The following SORCS3 variants were observed in gnomAD, a reference collection of about 807,000 sequenced individuals.
SORCS3 encodes VPS10 domain-containing receptor SorCS3.
SORCS3 carries 57 observed loss-of-function variants against 146.3 expected under a neutral mutation model. That is an observed-to-expected ratio of 0.39 (90% CI 0.31 to 0.49). The LOEUF is 0.49. SORCS3 is among the 20% of genes least tolerant of loss of function. The pLI is 0.92. For synonymous variants in SORCS3, 653 were observed against 618.5 expected (o/e 1.06, Z -0.83); for missense variants, 1,341 against 1,575.5 (o/e 0.85, Z 2.52).
At chr10:104,770,640 C>G (rs928591610) in intron 1 of SORCS3, among the ~76,000 whole-genome samples, 1 of 151,766 alleles carries the variant, frequency 6.6e-6, no homozygotes, top group Non-Finnish European at 1.5e-5. Context: ...GGCAACATAG[C>G]AAAACCCCAT....
chr10:105,211,553 G>T (rs1204747919), intron 17 of SORCS3, among the ~76,000 whole-genome samples: 1 of 152,142 alleles, frequency 6.6e-6, no homozygotes, highest in Non-Finnish European at 1.5e-5. Context: ...TGACACTCAA[G>T]TGAATTAAAT....
chr10:104,643,337 G>A (rs1472513548), intron 1 of SORCS3, among the ~76,000 whole-genome samples: 4 of 152,228 alleles, frequency 2.6e-5, no homozygotes, highest in Non-Finnish European at 5.9e-5. Context: ...AGAGGAAAGC[G>A]AGGGGTCCGC....
intron 1 of SORCS3, among the ~76,000 whole-genome samples, chr10:104,805,427 T>G (rs2133513424): frequency 6.6e-6 from 1 of 152,326 alleles, no homozygotes. Flanking sequence ...TCTCAAATTT[T>G]CACATGTTGT....
chr10:104,995,408 T>C (rs1401417849), intron 4 of SORCS3, among the ~76,000 whole-genome samples: 2 of 152,168 alleles, frequency 1.3e-5, no homozygotes, highest in Non-Finnish European at 2.9e-5. Flanking sequence ...TCTGCACGCC[T>C]CTGCCTCCCA....
intron 2 of SORCS3, among the ~76,000 whole-genome samples, chr10:104,859,404 T>C (rs2018374677): frequency 6.6e-6 from 1 of 152,078 alleles, no homozygotes; most frequent in Non-Finnish European, 1.5e-5. Flanking sequence ...TTACACCTTA[T>C]ACAAAAATTA....
At chr10:105,253,588 T>G (rs2056913383) in intron 23 of SORCS3, among the ~76,000 whole-genome samples, 2 of 152,330 alleles carry the variant, frequency 1.3e-5, no homozygotes, top group South Asian at 4.1e-4. Flanking sequence ...GTTTCACCCT[T>G]CCTTTCTTTC....
intron 1 of SORCS3, among the ~76,000 whole-genome samples, chr10:104,693,136 T>C (rs1362272678): frequency 6.6e-6 from 1 of 152,206 alleles, no homozygotes; most frequent in Admixed American, 6.5e-5. Context: ...TAAGGTAGCC[T>C]CTGTGGGGCT....
Position 104,977,440 on chromosome 10 carries a change from C to T in SORCS3, c.901C>T (p.Leu301Phe), listed in dbSNP as rs2133650222. Residue 301 changes from leucine (L) to phenylalanine (F), a missense_variant, in exon 4 of 27, where the codon CTC becomes TTC. Leu to Phe is a conservative substitution (Grantham distance 22). Transcript: ENST00000369701. ...GCTCACCTTCTATATCCAGAGCCTG[C>T]TCTTTCATCCCAAGCAAGAGGACTG... ...YRLTFYIQSL[L>F]FHPKQEDWVL... 1 of 1,613,598 alleles carries T rather than the reference C, an allele frequency of 6.2e-7. No individual in the cohort carries two copies. Among genetic ancestry groups the T allele is most frequent in the South Asian group, 1.1e-5 (1 of 91,058 alleles).
At chr10:104,919,729 A>G (rs1435728620) in intron 3 of SORCS3, among the ~76,000 whole-genome samples, 1 of 152,114 alleles carries the variant, frequency 6.6e-6, no homozygotes, top group Non-Finnish European at 1.5e-5. Context: ...AGGGTCCTAC[A>G]TGATCTAAAG....
chr10:104,940,740 A>T (rs1301024106), intron 3 of SORCS3, among the ~76,000 whole-genome samples: 1 of 152,160 alleles, frequency 6.6e-6, no homozygotes, highest in Non-Finnish European at 1.5e-5. Flanking sequence ...ATAAAAGAGG[A>T]CACAAACAAA....
At position 104,807,628 on chromosome 10, in the gene SORCS3, G is replaced by GTGGA. The variant is rs1420616460; in HGVS notation, c.628-35162_628-35161insGATG. Reference sequence around the variant, plus strand: ...GGGTGGAGCAGCATCCATTCTCCAAGTGCTTTCTTCACCTCTTTTCTCTTT... The same window carrying GTGGA: ...GGGTGGAGCAGCATCCATTCTCCAAGTGGATGCTTTCTTCACCTCTTTTCTCTTT... On this transcript the variant is annotated intron_variant, in intron 1 of 26. Coordinates refer to ENST00000369701, the MANE Select transcript of SORCS3 (RefSeq NM_014978.3). Among the ~76,000 whole-genome samples, 7 of 152,300 alleles carry GTGGA rather than the reference G, an allele frequency of 4.6e-5. No homozygotes were observed. In the East Asian group the frequency reaches 1.4e-3, roughly 29 times the overall value.
At chr10:104,931,758 AC>A (rs2019210867) in intron 3 of SORCS3, among the ~76,000 whole-genome samples, 1 of 152,230 alleles carries the variant, frequency 6.6e-6, no homozygotes, top group African/African-American at 2.4e-5. Flanking sequence ...TTATAGGGCA[AC>A]TTTTGCTTAT....
chr10:104,875,926 A>C (rs2018566958), intron 2 of SORCS3, among the ~76,000 whole-genome samples: 1 of 152,176 alleles, frequency 6.6e-6, no homozygotes, highest in Admixed American at 6.5e-5. Flanking sequence ...CACATGGCAA[A>C]AGGAAAATGG....
intron 14 of SORCS3, among the ~76,000 whole-genome samples, chr10:105,189,714 C>A (rs2056501605): frequency 2.0e-5 from 3 of 152,138 alleles, no homozygotes. Flanking sequence ...GACTTGGGTT[C>A]CAGATCTTTG....
At chr10:105,180,185 A>G (rs995966834) in intron 14 of SORCS3, among the ~76,000 whole-genome samples, 1 of 152,222 alleles carries the variant, frequency 6.6e-6, no homozygotes, top group African/African-American at 2.4e-5. Flanking sequence ...TAAAGTAATC[A>G]TCATGGTACC....
intron 3 of SORCS3, among the ~76,000 whole-genome samples, chr10:104,969,795 G>A (rs957142624): frequency 3.3e-5 from 5 of 152,170 alleles, no homozygotes; most frequent in South Asian, 2.1e-4. Context: ...GTGCTCACAC[G>A]TATGTGTTGT....
chr10:105,043,138 A>G lies in SORCS3; in HGVS notation c.1028+10A>G. ...CCAACAGGTTTTATTGGTAAGCCCT[A>G]TCCACACACTCATTACTTCTTAGAT... On this transcript the variant is annotated intron_variant, in intron 5 of 26. Coordinates refer to ENST00000369701, the MANE Select transcript of SORCS3 (RefSeq NM_014978.3). 6.2e-7 allele frequency: 1 copy of G among 1,610,396 alleles called. No homozygotes were observed. The highest frequency in any genetic ancestry group is 8.5e-7 in the Non-Finnish European group (1 of 1,176,678).
intron 1 of SORCS3, among the ~76,000 whole-genome samples, chr10:104,684,536 A>G (rs2016018620): frequency 1.3e-5 from 2 of 152,228 alleles, no homozygotes; most frequent in South Asian, 4.1e-4. Context: ...GCCCTTGAAC[A>G]TTGGCAGGGG....
rs57036148 is a variant in SORCS3, at chr10:104,766,036, G to A, written c.628-76756G>A. Among the ~76,000 whole-genome samples, 626 of 152,326 alleles carry A rather than the reference G, an allele frequency of 4.1e-3. 3 individuals carry two copies. The highest frequency in any genetic ancestry group is 0.014 in the African/African-American group (574 of 41,574). ...TAGGGATTTGCTTTGTTTCTTGGGG[G>A]ATTCCTTATCTTCTGGACTTTCTTG... On this transcript the variant is annotated intron_variant, in intron 1 of 26. Coordinates refer to ENST00000369701, the MANE Select transcript of SORCS3 (RefSeq NM_014978.3).
Sources: allele counts gnomAD v4.1 joint callset (sites outside exome capture counted in the v4.1 genomes callset), GRCh38; gene constraint gnomAD v4.1.1; transcripts MANE v1.5; gene names NCBI Gene and HGNC (gene_info 2026-07-23, HGNC 2026-07-21).